The following MAPKAPK2 variants were observed in gnomAD, a reference collection of about 807,000 sequenced individuals.
MAPKAPK2 encodes the protein MAPK activated protein kinase 2.
MAPKAPK2 carries 9 observed loss-of-function variants against 48.8 expected under a neutral mutation model. That is an observed-to-expected ratio of 0.18 (90% CI 0.11 to 0.32). The LOEUF (loss-of-function observed/expected upper bound fraction) is 0.32, where lower values mean the gene tolerates loss of function less well. Among genes scored for constraint, MAPKAPK2 ranks in the 10% least tolerant of loss-of-function variants. The pLI, the probability that MAPKAPK2 is intolerant of heterozygous loss-of-function variation, is 1.00. For missense variants in MAPKAPK2, 331 were observed against 498.3 expected (o/e 0.66, Z 3.20); for synonymous variants, 202 against 190.6 (o/e 1.06, Z -0.49).
intron 5 of MAPKAPK2, among the ~76,000 whole-genome samples, chr1:206,730,467 C>T (rs782463333): frequency 6.6e-6 from 1 of 152,212 alleles, no homozygotes; most frequent in Non-Finnish European, 1.5e-5. Context: ...TCATGCAGTT[C>T]AGGATTTTTA....
At chr1:206,690,620 G>C (rs1400812603) in intron 1 of MAPKAPK2, among the ~76,000 whole-genome samples, 1 of 152,178 alleles carries the variant, frequency 6.6e-6, no homozygotes, top group Non-Finnish European at 1.5e-5. Flanking sequence ...ATTGGGAGGA[G>C]GGCCTGGAAG....
intron 1 of MAPKAPK2, among the ~76,000 whole-genome samples, chr1:206,719,948 G>A (rs782245379): frequency 1.3e-5 from 2 of 152,212 alleles, no homozygotes; most frequent in South Asian, 4.1e-4. Flanking sequence ...TTCTGTGGCG[G>A]TCACGGGGCT....
intron 1 of MAPKAPK2, among the ~76,000 whole-genome samples, chr1:206,700,337 C>A (rs1202346782): frequency 6.6e-6 from 1 of 152,212 alleles, no homozygotes; most frequent in Non-Finnish European, 1.5e-5. Flanking sequence ...CTGGTCTCCT[C>A]TCGCTGGACA....
At chr1:206,722,025 A>G (rs1673533784) in intron 1 of MAPKAPK2, among the ~76,000 whole-genome samples, 1 of 150,760 alleles carries the variant, frequency 6.6e-6, no homozygotes, top group Non-Finnish European at 1.5e-5. Flanking sequence ...AGATCGCACC[A>G]TTGCACTCCA....
intron 1 of MAPKAPK2, among the ~76,000 whole-genome samples, chr1:206,716,275 A>T (rs1673332124): frequency 6.6e-6 from 1 of 152,178 alleles, no homozygotes; most frequent in Non-Finnish European, 1.5e-5. Flanking sequence ...TCTCTCTCAC[A>T]GTGACCTTGT....
chr1:206,685,887 CT>C (rs1672273612), intron 1 of MAPKAPK2, among the ~76,000 whole-genome samples: 1 of 152,308 alleles, frequency 6.6e-6, no homozygotes, highest in South Asian at 2.1e-4. Context: ...CTCCTCCCTC[CT>C]TTTTCTCTCT....
At chr1:206,708,985 C>T (rs1435901464) in intron 1 of MAPKAPK2, among the ~76,000 whole-genome samples, 1 of 152,170 alleles carries the variant, frequency 6.6e-6, no homozygotes, top group Non-Finnish European at 1.5e-5. Context: ...CTTCTCCATT[C>T]CCCTGTTGAT....
At position 206,685,198 on chromosome 1, in the gene MAPKAPK2, C is replaced by A; in HGVS notation, c.-32C>A. The A allele has an allele frequency of 3.1e-6, 1 of 326,330 alleles. No homozygotes were observed. Among genetic ancestry groups the A allele is most frequent in the Non-Finnish European group, 5.4e-6 (1 of 186,688 alleles). The allele number at this position is 326,330 out of a possible 1,614,324, so 20.2% of individuals were successfully genotyped here. ...CCGGAGGAGGGGGCGGCCGCGGGCA[C>A]CCCCGCCTGTGCCCCGGCGTCCCCG... On this transcript the variant is annotated 5_prime_UTR_variant, in exon 1 of 10. Coordinates refer to ENST00000367103, the MANE Select transcript of MAPKAPK2 (RefSeq NM_032960.4).
Position 206,731,003 on chromosome 1 carries a change from T to G in MAPKAPK2, c.768-135T>G. On this transcript the variant is annotated intron_variant, in intron 6 of 9. Transcript: ENST00000367103. The surrounding 1 kb of genome is among the most constrained non-coding windows in gnomAD (Gnocchi z 5.9). The stretch of plus-strand genomic sequence containing the variant: ...GGGCCCCGGGCTTGACTTTGTATAT[T>G]GTGCCTGTGTCAATAAGCCCTGATT... 7.9e-7 allele frequency: 1 copy of G among 1,273,256 alleles called. No individual in the cohort carries two copies. Among genetic ancestry groups the G allele is most frequent in the East Asian group, 2.3e-5 (1 of 43,044 alleles). 78.9% of individuals were successfully genotyped at this position (1,273,256 alleles called of 1,614,324 possible).
chr1:206,724,380 G>T (rs1673639615), intron 1 of MAPKAPK2, among the ~76,000 whole-genome samples: 1 of 152,066 alleles, frequency 6.6e-6, no homozygotes, highest in African/African-American at 2.4e-5. Flanking sequence ...CAGGCCTTCT[G>T]CGCTCCACAC....
intron 1 of MAPKAPK2, chr1:206,695,959 G>C: frequency 1.4e-6 from 1 of 709,372 alleles, no homozygotes; most frequent in South Asian, 1.5e-5. Flanking sequence ...CCAGGTCCAG[G>C]GGTCTTGGTT....
At position 206,732,979 on chromosome 1, in the gene MAPKAPK2, G is replaced by C; in HGVS notation, c.*261G>C. The stretch of plus-strand genomic sequence containing the variant: ...CATTTTGCAATTTTATCAGTAATTT[G>C]ACTTAGAGTTTTTACGAAACCTCTT... On this transcript the variant is annotated 3_prime_UTR_variant, in exon 10 of 10. Coordinates refer to ENST00000367103, the MANE Select transcript of MAPKAPK2 (RefSeq NM_032960.4). This position sits in a 1 kb window ranked among gnomAD's most constrained non-coding sequence, Gnocchi z 4.4. The C allele has an allele frequency of 6.5e-6, 3 of 461,448 alleles. No individual in the cohort carries two copies. The highest frequency in any genetic ancestry group is 1.2e-5 in the Non-Finnish European group (3 of 258,834). 28.6% of individuals were successfully genotyped at this position (461,448 alleles called of 1,614,324 possible). A position where few individuals can be genotyped will look rare whatever the true frequency, so the allele number is the denominator to read the frequency against.
chr1:206,699,974 T>TC (rs1672746279), intron 1 of MAPKAPK2, among the ~76,000 whole-genome samples: 1 of 143,290 alleles, frequency 7.0e-6, no homozygotes, highest in Non-Finnish European at 1.6e-5. Flanking sequence ...CTCTCTCTCT[T>TC]CTTTTTTTCT....
chr1:206,708,106 A>G (rs1553428882), intron 1 of MAPKAPK2, among the ~76,000 whole-genome samples: 1 of 152,200 alleles, frequency 6.6e-6, no homozygotes, highest in Non-Finnish European at 1.5e-5. Context: ...AACAAGAACT[A>G]ACAACAGTAA....
chr1:206,722,504 G>C (rs944905983), intron 1 of MAPKAPK2, among the ~76,000 whole-genome samples: 1 of 152,182 alleles, frequency 6.6e-6, no homozygotes, highest in East Asian at 1.9e-4. Context: ...TCTGTTGCGT[G>C]TATTATATCT....
At chr1:206,703,527 A>G (rs1338020949) in intron 1 of MAPKAPK2, among the ~76,000 whole-genome samples, 4 of 152,166 alleles carry the variant, frequency 2.6e-5, no homozygotes. Flanking sequence ...GTTCTCTTCC[A>G]TTCCCAATTT....
chr1:206,725,955 G>A (rs1199110857), intron 1 of MAPKAPK2, among the ~76,000 whole-genome samples: 1 of 152,188 alleles, frequency 6.6e-6, no homozygotes, highest in African/African-American at 2.4e-5. Context: ...TTGACATTCA[G>A]TGCAATGCAT....
rs1553432314 is a variant in MAPKAPK2 at position 206,729,393 on chromosome 1, C to T, written c.485-3C>T. On this transcript the variant is annotated splice_polypyrimidine_tract_variant and splice_region_variant and intron_variant, in intron 3 of 9. Coordinates refer to ENST00000367103, the MANE Select transcript of MAPKAPK2 (RefSeq NM_032960.4). ...CCCACTCACTCTTCCCTCCCCTCTA[C>T]AGAAGCATCCGAAATCATGAAGAGC... 6.2e-7 allele frequency: 1 copy of T among 1,612,584 alleles called. No homozygotes were observed. Among genetic ancestry groups the T allele is most frequent in the Non-Finnish European group, 8.5e-7 (1 of 1,178,596 alleles).
intron 1 of MAPKAPK2, among the ~76,000 whole-genome samples, chr1:206,707,715 T>C (rs1673009513): frequency 6.6e-6 from 1 of 151,714 alleles, no homozygotes; most frequent in African/African-American, 2.4e-5. Flanking sequence ...TGTGTGGGGG[T>C]TTGGGGGTAG....
Sources: gnomAD v4.1 joint callset for allele counts (sites outside exome capture counted in the v4.1 genomes callset) on GRCh38, gnomAD v4.1.1 for gene constraint, Gnocchi (gnomAD v3.1) non-coding constraint, MANE v1.5 for transcripts, NCBI Gene and HGNC (gene_info 2026-07-23, HGNC 2026-07-21) for gene names.